The following BTBD9 variants were observed in gnomAD, a reference collection of about 807,000 sequenced individuals.
BTBD9 encodes the protein BTB domain containing 9.
BTBD9 carries 49 observed loss-of-function variants against 64.3 expected under a neutral mutation model. That is an observed-to-expected ratio of 0.76 (90% CI 0.61 to 0.97). The LOEUF is 0.97. Ranked by LOEUF, BTBD9 falls within the 50% of genes least tolerant of loss-of-function variation. The pLI is 0.00. For synonymous variants in BTBD9, 260 were observed against 274.7 expected, an observed-to-expected ratio of 0.95 and a Z score of 0.53; for missense variants, 598 against 762.1, an observed-to-expected ratio of 0.78 and a Z score of 2.53.
intron 6 of BTBD9, among the ~76,000 whole-genome samples, chr6:38,454,313 T>A (rs1769690648): frequency 6.6e-6 from 1 of 151,910 alleles, no homozygotes; most frequent in Non-Finnish European, 1.5e-5. Flanking sequence ...ATTTTTGAGG[T>A]TAGAGAGTTT....
intron 9 of BTBD9, among the ~76,000 whole-genome samples, chr6:38,201,970 G>T (rs1245465263): frequency 6.6e-6 from 1 of 152,000 alleles, no homozygotes; most frequent in Non-Finnish European, 1.5e-5. Flanking sequence ...CTCATCTTAT[G>T]CTCATGGATT....
chr6:38,622,590 T>C (rs995964068), intron 1 of BTBD9, among the ~76,000 whole-genome samples: 2 of 152,180 alleles, frequency 1.3e-5, no homozygotes, highest in African/African-American at 2.4e-5. Flanking sequence ...GCTTTTATGC[T>C]CTTACATTTC....
intron 9 of BTBD9, among the ~76,000 whole-genome samples, chr6:38,243,375 G>A (rs1764074879): frequency 6.6e-6 from 1 of 152,182 alleles, no homozygotes; most frequent in East Asian, 1.9e-4. Flanking sequence ...GAAGGTCCCT[G>A]TACAGGGATT....
chr6:38,299,308 A>G (rs1762291698), intron 7 of BTBD9, among the ~76,000 whole-genome samples: 2 of 152,102 alleles, frequency 1.3e-5, no homozygotes, highest in South Asian at 4.2e-4. Context: ...ATAGTGCTGC[A>G]ATAAACATAC....
chr6:38,518,058 T>C (rs927946421), intron 6 of BTBD9, among the ~76,000 whole-genome samples: 3 of 152,126 alleles, frequency 2.0e-5, no homozygotes, highest in Non-Finnish European at 4.4e-5. Flanking sequence ...AGAAAAATAT[T>C]AAACACCTAA....
intron 10 of BTBD9, among the ~76,000 whole-genome samples, chr6:38,176,801 C>A (rs1761277724): frequency 6.6e-6 from 1 of 152,166 alleles, no homozygotes; most frequent in South Asian, 2.1e-4. Flanking sequence ...TCTTGCAGCT[C>A]TTCAGTAACA....
chr6:38,600,322 A>G (rs960745615), intron 1 of BTBD9, among the ~76,000 whole-genome samples: 1 of 152,262 alleles, frequency 6.6e-6, no homozygotes, highest in Non-Finnish European at 1.5e-5. Context: ...GACCTAGATT[A>G]GACTCGCAGG....
At position 38,637,277 on chromosome 6, in the gene BTBD9, C is replaced by T. The variant is rs77673683; in HGVS notation, c.-28+2523G>A. On this transcript the variant is annotated intron_variant, in intron 1 of 10. Coordinates refer to ENST00000481247, the MANE Select transcript of BTBD9 (RefSeq NM_001099272.2). ...ACTTCTTTGTCTTCCCAGCACCCAA[C>T]GAAGTGTCTCGCCATAGCCAGCACC... Among the ~76,000 whole-genome samples, 153 of 152,310 alleles carry T rather than the reference C, an allele frequency of 1.0e-3. 2 individuals carry two copies. In the East Asian group the frequency reaches 0.027, roughly 27 times the overall value.
Position 38,171,984 on chromosome 6 carries a change from G to A in BTBD9, c.*3001C>T, listed in dbSNP as rs1766811589. 6.6e-6 allele frequency: 1 copy of A among 151,534 alleles called. No homozygotes were observed. Among genetic ancestry groups the A allele is most frequent in the Admixed American group, 6.6e-5 (1 of 15,204 alleles). 9.4% of individuals were successfully genotyped at this position (151,534 alleles called of 1,614,324 possible). ...GTGGTGGTGACCATGGCGCCCTTGT[G>A]TCCTTTCCATTGGTTACTGAGGACC... On this transcript the variant is annotated 3_prime_UTR_variant, in exon 11 of 11. Transcript: ENST00000481247.
chr6:38,500,859 G>A (rs1315957972), intron 6 of BTBD9, among the ~76,000 whole-genome samples: 1 of 152,126 alleles, frequency 6.6e-6, no homozygotes, highest in Non-Finnish European at 1.5e-5. Context: ...CCAACTTGTG[G>A]GTCATAGGCG....
At chr6:38,200,481 T>C (rs752307049) in intron 9 of BTBD9, among the ~76,000 whole-genome samples, 15 of 151,874 alleles carry the variant, frequency 9.9e-5, no homozygotes, top group Non-Finnish European at 1.8e-4. Context: ...AAATGGAAAA[T>C]TGGTTCTTAG....
rs185648121 is a variant in BTBD9 at position 38,436,438 on chromosome 6, C to T, written c.1155-91345G>A. Among the ~76,000 whole-genome samples, 201 of 147,150 alleles carry T rather than the reference C, an allele frequency of 1.4e-3. 2 individuals are homozygous for T. Among genetic ancestry groups the T allele is most frequent in the African/African-American group, 4.7e-3 (186 of 39,206 alleles). On this transcript the variant is annotated intron_variant, in intron 6 of 10. Transcript: ENST00000481247. ...TTGCCCAGGCTGGAGGGCAACGGCA[C>T]GATCTCGGCTCACTGCAACCTCTGC...
chr6:38,509,917 A>G (rs1772705228), intron 6 of BTBD9, among the ~76,000 whole-genome samples: 1 of 152,232 alleles, frequency 6.6e-6, no homozygotes, highest in African/African-American at 2.4e-5. Flanking sequence ...TCAAGTGTCT[A>G]AAGCTACCTG....
At chr6:38,374,310 T>TATATAC (rs1765581977) in intron 6 of BTBD9, among the ~76,000 whole-genome samples, 2 of 102,850 alleles carry the variant, frequency 1.9e-5, no homozygotes, top group Non-Finnish European at 3.9e-5. Context: ...TATATATGTA[T>TATATAC]ATATATATAT....
intron 6 of BTBD9, among the ~76,000 whole-genome samples, chr6:38,489,925 CTTTTAA>C (rs1771627349): frequency 6.6e-6 from 1 of 152,144 alleles, no homozygotes; most frequent in Admixed American, 6.5e-5. Flanking sequence ...TTCCATTTGC[CTTTTAA>C]TTTTGTCTTT....
chr6:38,310,898 C>G (rs1033139021), intron 7 of BTBD9, among the ~76,000 whole-genome samples: 2 of 152,218 alleles, frequency 1.3e-5, no homozygotes, highest in Admixed American at 1.3e-4. Flanking sequence ...GCAACCTCCC[C>G]CCGGGTTCAA....
intron 6 of BTBD9, among the ~76,000 whole-genome samples, chr6:38,511,326 T>C (rs957256365): frequency 3.3e-5 from 5 of 150,140 alleles, no homozygotes; most frequent in Non-Finnish European, 7.4e-5. Flanking sequence ...TGTTCCACAG[T>C]ATTTTGGAAA....
intron 6 of BTBD9, among the ~76,000 whole-genome samples, chr6:38,351,797 C>A (rs1268674909): frequency 6.6e-6 from 1 of 152,076 alleles, no homozygotes; most frequent in African/African-American, 2.4e-5. Context: ...CCGCCCCAGC[C>A]GTAATTGTTT....
intron 8 of BTBD9, among the ~76,000 whole-genome samples, chr6:38,279,315 G>A (rs905958469): frequency 1.3e-5 from 2 of 152,102 alleles, no homozygotes; most frequent in African/African-American, 4.8e-5. Flanking sequence ...CTATCGAGAT[G>A]TACCAAAAGT....
Sources: allele counts gnomAD v4.1 joint callset (sites outside exome capture counted in the v4.1 genomes callset), GRCh38; gene constraint gnomAD v4.1.1; transcripts MANE v1.5; gene names NCBI Gene and HGNC (gene_info 2026-07-23, HGNC 2026-07-21).